VSIG10: variants seen among roughly 807,000 people sequenced by gnomAD.
VSIG10 encodes V-set and immunoglobulin domain containing 10.
A neutral mutation model predicts 58.7 loss-of-function variants in VSIG10; 48 were observed. That is an observed-to-expected ratio of 0.82 (90% CI 0.65 to 1.04). VSIG10 has a LOEUF of 1.04. Ranked by LOEUF, VSIG10 falls within the 50% of genes least tolerant of loss-of-function variation. The pLI is 0.00. For missense variants in VSIG10, 628 were observed against 670.0 expected, an observed-to-expected ratio of 0.94 and a Z score of 0.69; for synonymous variants, 260 against 267.1, an observed-to-expected ratio of 0.97 and a Z score of 0.26.
At chr12:118,067,623 G>C (rs1175307445) in intron 8 of VSIG10, among the ~76,000 whole-genome samples, 2 of 149,354 alleles carry the variant, frequency 1.3e-5, no homozygotes, top group African/African-American at 5.0e-5. Context: ...ACCACACCCA[G>C]CTGATTTTTG....
chr12:118,091,581 G>A (rs1228806674), intron 2 of VSIG10, among the ~76,000 whole-genome samples: 2 of 152,006 alleles, frequency 1.3e-5, no homozygotes, highest in Admixed American at 6.6e-5. Flanking sequence ...CAAGGGCAGA[G>A]ACCTTGTCTG....
intron 7 of VSIG10, among the ~76,000 whole-genome samples, chr12:118,069,743 T>A (rs1267646491): frequency 1.3e-5 from 2 of 151,792 alleles, no homozygotes; most frequent in African/African-American, 4.9e-5. Flanking sequence ...ATGCATTTCT[T>A]AAGGAAGAAG....
intron 4 of VSIG10, among the ~76,000 whole-genome samples, chr12:118,074,454 C>T (rs1372705555): frequency 1.3e-5 from 2 of 150,912 alleles, no homozygotes; most frequent in African/African-American, 4.9e-5. Flanking sequence ...TCCAAAAATA[C>T]TAAATGGAAA....
intron 2 of VSIG10, among the ~76,000 whole-genome samples, chr12:118,087,313 G>A (rs7971091): frequency 0.29 from 43,583 of 151,282 alleles, 6,629 homozygotes; most frequent in Middle Eastern, 0.43. Flanking sequence ...CAGAAAACCT[G>A]ACCTCCTACA....
In VSIG10 at chr12:118,099,427, G is replaced by A. The variant is rs558907006; in HGVS notation, c.80-3613C>T. On this transcript the variant is annotated intron_variant, in intron 1 of 8. Coordinates refer to ENST00000359236, the MANE Select transcript of VSIG10 (RefSeq NM_019086.6). ...CGCAAAGTGGTGGGATTACAGGCGT[G>A]AGCTGCCACGCCCAGCCAACCCTGA... is the stretch of plus-strand genomic sequence containing the variant. Among the ~76,000 whole-genome samples the A allele has an allele frequency of 9.3e-4, 141 of 152,140 alleles. 1 individual carries two copies. Among genetic ancestry groups the A allele is most frequent in the African/African-American group, 3.4e-3 (140 of 41,508 alleles).
intron 7 of VSIG10, among the ~76,000 whole-genome samples, chr12:118,070,395 A>C (rs548577140): frequency 6.6e-6 from 1 of 152,124 alleles, no homozygotes; most frequent in South Asian, 2.1e-4. Context: ...TAAAAATACA[A>C]AAATTAGCCA....
Position 118,073,849 on chromosome 12 carries a change from G to A in VSIG10, c.1069C>T (p.Pro357Ser). The stretch of plus-strand genomic sequence containing the variant: ...TGGGTAATGAGATGGCGGCTGCTAG[G>A]CTGGATGATCACCTCGGGCTGGGTA... Reference protein sequence around the residue: ...NLTQPEVIIQPSSRHLITQDG... With the variant: ...NLTQPEVIIQSSSRHLITQDG... The change falls in exon 5 of 9, where the codon CCT (proline) becomes TCT (serine). Residue 357 changes from proline to serine, a missense_variant. Physicochemically the swap from Pro to Ser is moderately conservative, Grantham distance 74. Transcript: ENST00000359236. 6.2e-7 allele frequency: 1 copy of A among 1,613,818 alleles called. No individual in the cohort carries two copies.
intron 2 of VSIG10, 102 bp downstream of exon 2, chr12:118,095,431 T>C (rs1592893301): frequency 1.4e-6 from 2 of 1,459,060 alleles, no homozygotes; most frequent in Non-Finnish European, 9.3e-7. Flanking sequence ...CAGAATGATT[T>C]CCAGGCCATC....
chr12:118,066,469 A>G lies in VSIG10; in HGVS notation c.*170T>C. 1 of 687,964 alleles carries G rather than the reference A, an allele frequency of 1.5e-6. No individual in the cohort carries two copies. The highest frequency in any genetic ancestry group is 2.6e-6 in the Non-Finnish European group (1 of 386,320). The allele number at this position is 687,964 out of a possible 1,614,324, so 42.6% of individuals were successfully genotyped here. A position where few individuals can be genotyped will look rare whatever the true frequency, so the allele number is the denominator to read the frequency against. ...GCAAATCAAACCAATGTTTTTCAAT[A>G]CATGGAAGGAAAGATGTGTGTGCTT... is the stretch of plus-strand genomic sequence containing the variant. On this transcript the variant is annotated 3_prime_UTR_variant, in exon 9 of 9. Transcript: ENST00000359236.
At chr12:118,076,890 C>G (rs1002317686) in intron 4 of VSIG10, among the ~76,000 whole-genome samples, 1 of 152,102 alleles carries the variant, frequency 6.6e-6, no homozygotes, top group Non-Finnish European at 1.5e-5. Context: ...AATTCCTAGC[C>G]GTAAGCTATC....
intron 8 of VSIG10, among the ~76,000 whole-genome samples, chr12:118,067,334 T>C (rs532060958): frequency 6.6e-6 from 1 of 152,158 alleles, no homozygotes; most frequent in Non-Finnish European, 1.5e-5. Flanking sequence ...TTTTTAAATG[T>C]GTTGTCCATC....
At position 118,064,836 on chromosome 12, in the gene VSIG10, GC is replaced by G. The variant is rs2032195188; in HGVS notation, c.*1802del. On this transcript the variant is annotated 3_prime_UTR_variant, in exon 9 of 9. Transcript: ENST00000359236. Reference sequence around the variant, plus strand: ...AAACAGACCTTCCCCAACCACACCTGCAGGGTTACTTCAGACAACCAGCTTC... The same window carrying G: ...AAACAGACCTTCCCCAACCACACCTGAGGGTTACTTCAGACAACCAGCTTC... 6.6e-6 allele frequency: 1 copy of G among 152,086 alleles called. No individual in the cohort carries two copies. Among genetic ancestry groups the G allele is most frequent in the Non-Finnish European group, 1.5e-5 (1 of 68,030 alleles). 9.4% of individuals were successfully genotyped at this position (152,086 alleles called of 1,614,324 possible).
intron 8 of VSIG10, among the ~76,000 whole-genome samples, chr12:118,067,659 A>G (rs1188171246): frequency 6.6e-6 from 1 of 151,588 alleles, no homozygotes; most frequent in Non-Finnish European, 1.5e-5. Context: ...TGGGGGTCTC[A>G]CCATGTTGGC....
chr12:118,076,086 C>A (rs1031462795), intron 4 of VSIG10, among the ~76,000 whole-genome samples: 1 of 152,176 alleles, frequency 6.6e-6, no homozygotes, highest in Non-Finnish European at 1.5e-5. Flanking sequence ...TTCAAGGGGA[C>A]AAGAGGGCAG....
chr12:118,085,405 A>G (rs1320604597), intron 2 of VSIG10, among the ~76,000 whole-genome samples: 1 of 152,178 alleles, frequency 6.6e-6, no homozygotes, highest in African/African-American at 2.4e-5. Flanking sequence ...AGCTGGTTCC[A>G]TTGTTCCCCA....
rs1020693514 is a variant in VSIG10 at position 118,070,926 on chromosome 12, G to A, written c.1346+126C>T. On this transcript the variant is annotated intron_variant, in intron 7 of 8. Transcript: ENST00000359236. ...AATACCTGATGAAATCCCTAGGCCA[G>A]TGTCTAGCACATCGTAGGTCCTCAA... The A allele has an allele frequency of 3.5e-6, 4 of 1,128,752 alleles. No homozygotes were observed. In the African/African-American group the frequency reaches 6.2e-5, roughly 17 times the overall value. The allele number at this position is 1,128,752 out of a possible 1,614,324, so 69.9% of individuals were successfully genotyped here. A position where few individuals can be genotyped will look rare whatever the true frequency, so the allele number is the denominator to read the frequency against.
intron 5 of VSIG10, among the ~76,000 whole-genome samples, chr12:118,072,906 CACTTAT>C (rs951148008): frequency 2.6e-5 from 4 of 152,018 alleles, no homozygotes; most frequent in South Asian, 2.1e-4. Flanking sequence ...ATTTGGGACA[CACTTAT>C]ACTTAAAAGT....
rs114183354 is a variant in VSIG10 at position 118,086,019 on chromosome 12, C to T, written c.362-3590G>A. The stretch of plus-strand genomic sequence containing the variant: ...CTAAAAATACAAAGAATTAGCCAGG[C>T]GTGATGGCAAATGCGTGTAATACCA... On this transcript the variant is annotated intron_variant, in intron 2 of 8. Coordinates refer to ENST00000359236, the MANE Select transcript of VSIG10 (RefSeq NM_019086.6). 5.2e-3 allele frequency among the ~76,000 whole-genome samples: 791 copies of T among 150,860 alleles called. 4 individuals carry two copies. The highest frequency in any genetic ancestry group is 0.017 in the African/African-American group (709 of 41,042).
intron 2 of VSIG10, among the ~76,000 whole-genome samples, chr12:118,086,373 C>T (rs1401416020): frequency 6.6e-6 from 1 of 151,812 alleles, no homozygotes; most frequent in African/African-American, 2.4e-5. Context: ...GAGGCTGGGG[C>T]AGGAGAATAG....
Sources: gnomAD v4.1 joint callset for allele counts (sites outside exome capture counted in the v4.1 genomes callset) on GRCh38, gnomAD v4.1.1 for gene constraint, MANE v1.5 for transcripts, NCBI Gene and HGNC (gene_info 2026-07-23, HGNC 2026-07-21) for gene names.